The following NTN3 variants were observed in gnomAD, a reference collection of about 807,000 sequenced individuals.
NTN3 encodes netrin 3.
A neutral mutation model predicts 37.2 loss-of-function variants in NTN3; 44 were observed. That is an observed-to-expected ratio of 1.18 (90% CI 0.93 to 1.52). NTN3 has a LOEUF of 1.52. Among genes scored for constraint, NTN3 ranks in the 40% most tolerant of loss-of-function variants. The probability of loss-of-function intolerance (pLI) is 0.00; values close to 1 mark genes in which losing one functional copy is unlikely to be tolerated. For synonymous variants in NTN3, 385 were observed against 376.0 expected, an observed-to-expected ratio of 1.02 and a Z score of -0.28; for missense variants, 882 against 857.3, an observed-to-expected ratio of 1.03 and a Z score of -0.36.
rs1001517211 is a variant in NTN3 at position 2,474,087 on chromosome 16, G to A, written c.1725G>A (p.Gly575=). Reference sequence around the variant, plus strand: ...GGCTGCAGCGACGCGAACGGCGGGGGCGCTGCAGCGCCGCCTGAGCCCGCC... The same window carrying A: ...GGCTGCAGCGACGCGAACGGCGGGGACGCTGCAGCGCCGCCTGAGCCCGCC... The part of the protein sequence containing the change: ...LRRLQRRERR[G]RCSAA Residue 575 remains glycine (G), a synonymous_variant, in exon 6 of 6, where the codon GGG becomes GGA. Coordinates refer to ENST00000293973, the MANE Select transcript of NTN3 (RefSeq NM_006181.3). 20 of 1,207,402 alleles carry A rather than the reference G, an allele frequency of 1.7e-5. No individual in the cohort carries two copies. The African/African-American group carries it at 1.7e-4, about 10-fold the overall frequency. The allele number at this position is 1,207,402 out of a possible 1,614,324, so 74.8% of individuals were successfully genotyped here.
In NTN3 at chr16:2,472,648, G is replaced by GC. The variant is rs754378956; in HGVS notation, c.928+21dup. The GC allele has an allele frequency of 6.3e-6, 10 of 1,599,948 alleles. No homozygotes were observed. In the African/African-American group the frequency reaches 9.4e-5, roughly 15 times the overall value. ...TGCCTCGGTGAGGCCTTGGAGGGTG[G>GC]CCTGGGGACCTTGGACACAACCAGC... is the stretch of plus-strand genomic sequence containing the variant. On this transcript the variant is annotated intron_variant, in intron 1 of 5. Coordinates refer to ENST00000293973, the MANE Select transcript of NTN3 (RefSeq NM_006181.3).
At position 2,471,501 on chromosome 16, in the gene NTN3, G is replaced by A; in HGVS notation, c.-201G>A. ...TGTCATCGCTCTAGGCCCAGCGGGA[G>A]GACGCGCCAACATCCCCGCTGCTGT... On this transcript the variant is annotated 5_prime_UTR_variant, in exon 1 of 6. Coordinates refer to ENST00000293973, the MANE Select transcript of NTN3 (RefSeq NM_006181.3). 2.5e-6 allele frequency: 1 copy of A among 393,588 alleles called. No individual in the cohort carries two copies. Among genetic ancestry groups the A allele is most frequent in the Non-Finnish European group, 4.5e-6 (1 of 224,356 alleles). The allele number at this position is 393,588 out of a possible 1,614,324, so 24.4% of individuals were successfully genotyped here.
In NTN3 at chr16:2,473,138, A is replaced by T; in HGVS notation, c.1267+4A>T. The stretch of plus-strand genomic sequence containing the variant: ...TCCCCAGTGGCGCCCTGTGTTAGTG[A>T]GTGACCCTGCCCCGCCTCAGCCACC... On this transcript the variant is annotated splice_donor_region_variant and intron_variant, in intron 3 of 5. Coordinates refer to ENST00000293973, the MANE Select transcript of NTN3 (RefSeq NM_006181.3). 1 of 1,591,112 alleles carries T rather than the reference A, an allele frequency of 6.3e-7. No homozygotes were observed. Among genetic ancestry groups the T allele is most frequent in the Non-Finnish European group, 8.6e-7 (1 of 1,168,160 alleles).
chr16:2,472,277 C>T lies in NTN3; in HGVS notation c.576C>T (p.Ala192=), dbSNP rs376196923. Residue 192 remains alanine (A), a synonymous_variant, in exon 1 of 6, where the codon GCC becomes GCT. Transcript: ENST00000293973. The part of the protein sequence containing the change: ...LAQPDGSGLL[A]FSMQDSSPPG... ...AGCCTGATGGCAGCGGCCTTCTGGCCTTCAGCATGCAGGACAGCAGCCCCC... is the reference window on the plus strand; with the variant it reads ...AGCCTGATGGCAGCGGCCTTCTGGCTTTCAGCATGCAGGACAGCAGCCCCC... 1.4e-5 allele frequency: 23 copies of T among 1,607,344 alleles called. No homozygotes were observed. Among genetic ancestry groups the T allele is most frequent in the Non-Finnish European group, 2.0e-5 (23 of 1,176,660 alleles).
At chr16:2,473,687 C>T (rs2065537521) in intron 5 of NTN3, 69 bp from the exon 6 acceptor site, 2 of 1,358,976 alleles carry the variant, frequency 1.5e-6, no homozygotes, top group Admixed American at 2.8e-5. Flanking sequence ...CTGGTGTCCT[C>T]CCCGTGCCTC....
Position 2,471,684 on chromosome 16 carries a change from C to T in NTN3, c.-18C>T. 7.6e-7 allele frequency: 1 copy of T among 1,316,266 alleles called. No individual in the cohort carries two copies. The highest frequency in any genetic ancestry group is 9.6e-7 in the Non-Finnish European group (1 of 1,036,862). 81.5% of individuals were successfully genotyped at this position (1,316,266 alleles called of 1,614,324 possible). ...GTCTTGGGGCCCGGCCACTGGCTGA[C>T]CCGCAGCGGCTCCGGCCATGCCTGG... On this transcript the variant is annotated 5_prime_UTR_variant, in exon 1 of 6. Transcript: ENST00000293973.
rs1019406335 is a variant in NTN3, at chr16:2,472,759, G to T, written c.987G>T (p.Leu329=). 6.2e-7 allele frequency: 1 copy of T among 1,608,510 alleles called. No individual in the cohort carries two copies. ...GCTTCAACATGGAGCTGTACCGACT[G>T]TCCGGCCGCCGCAGCGGGGGTGTCT... is the stretch of plus-strand genomic sequence containing the variant. ...RCRFNMELYR[L]SGRRSGGVCL... The change falls in exon 2 of 6, where the codon CTG becomes CTT. Residue 329 remains leucine, a synonymous_variant. Coordinates refer to ENST00000293973, the MANE Select transcript of NTN3 (RefSeq NM_006181.3).
intron 5 of NTN3, 100 bp from the exon 6 acceptor site, chr16:2,473,656 C>T (rs969467690): frequency 7.9e-7 from 1 of 1,267,046 alleles, no homozygotes. Flanking sequence ...CGACCCCGCC[C>T]CTTCAGCCCC....
intron 4 of NTN3, 42 bp downstream of exon 4, chr16:2,473,360 G>C (rs777433451): frequency 6.2e-7 from 1 of 1,612,664 alleles, no homozygotes; most frequent in African/African-American, 1.3e-5. Context: ...GCATGACTTT[G>C]GGGGAGGGGG....
rs769706625 is a variant in NTN3 at position 2,473,756 on chromosome 16, C to T, written c.1394C>T (p.Ala465Val). Residue 465 changes from alanine to valine, a missense_variant and splice_region_variant, in exon 6 of 6, where the codon GCG (alanine) becomes GTG (valine). Transcript: ENST00000293973. ...SLKKFCKKDY[A>V]VQVAVGARGE... ...CCGCCCCCTCTCGCTCTCCCCGCAG[C>T]GGTGCAGGTGGCGGTGGGTGCGCGC... The T allele has an allele frequency of 2.8e-6, 4 of 1,419,566 alleles. No homozygotes were observed. The highest frequency in any genetic ancestry group is 3.6e-6 in the Non-Finnish European group (4 of 1,097,488). The allele number at this position is 1,419,566 out of a possible 1,614,324, so 87.9% of individuals were successfully genotyped here. A position where few individuals can be genotyped will look rare whatever the true frequency, so the allele number is the denominator to read the frequency against.
In NTN3 at chr16:2,472,555, G is replaced by T; in HGVS notation, c.854G>T (p.Cys285Phe). The T allele has an allele frequency of 6.2e-7, 1 of 1,605,016 alleles. No individual in the cohort carries two copies. The highest frequency in any genetic ancestry group is 8.5e-7 in the Non-Finnish European group (1 of 1,178,242). Residue 285 changes from cysteine to phenylalanine, a missense_variant, in exon 1 of 6, where the codon TGC (cysteine) becomes TTC (phenylalanine). Cys to Phe is a radical substitution (Grantham distance 205, BLOSUM62 -2). Coordinates refer to ENST00000293973, the MANE Select transcript of NTN3 (RefSeq NM_006181.3). ...DCRHGTEGPD[C>F]GRCKPFYCDR... is the part of the protein sequence containing the mutation. ...CGGCATGGCACCGAGGGCCCTGACT[G>T]CGGCCGCTGCAAGCCCTTCTACTGC...
Position 2,473,001 on chromosome 16 carries a change from G to T in NTN3, c.1134G>T (p.Pro378=), listed in dbSNP as rs113551249. The change falls in exon 3 of 6, where the codon CCG becomes CCT. Residue 378 remains proline, a synonymous_variant. Transcript: ENST00000293973. ...RRACRACDCH[P]VGAAGKTCNQ... is the part of the protein sequence containing the mutation. ...TGTCCTCAGCCTGCGACTGTCACCC[G>T]GTTGGTGCTGCTGGCAAGACCTGCA... The T allele has an allele frequency of 3.4e-3, 5,451 of 1,604,532 alleles. 165 individuals carry two copies. In the African/African-American group the frequency reaches 0.063, roughly 18 times the overall value.
rs2065521538 is a variant in NTN3, at chr16:2,471,710, C to A, written c.9C>A (p.Gly3=). 2 of 1,346,602 alleles carry A rather than the reference C, an allele frequency of 1.5e-6. No individual in the cohort carries two copies. Among genetic ancestry groups the A allele is most frequent in the East Asian group, 3.1e-5 (1 of 32,154 alleles). The allele number at this position is 1,346,602 out of a possible 1,614,324, so 83.4% of individuals were successfully genotyped here. A position where few individuals can be genotyped will look rare whatever the true frequency, so the allele number is the denominator to read the frequency against. The part of the protein sequence containing the change: MP[G]WPWGLLLTAG... Reference sequence around the variant, plus strand: ...CCGCAGCGGCTCCGGCCATGCCTGGCTGGCCCTGGGGGCTGCTGCTGACGG... The same window carrying A: ...CCGCAGCGGCTCCGGCCATGCCTGGATGGCCCTGGGGGCTGCTGCTGACGG... Residue 3 remains glycine (G), a synonymous_variant, in exon 1 of 6, where the codon GGC becomes GGA. Transcript: ENST00000293973.
rs1450164915 is a variant in NTN3, at chr16:2,471,463, CG to C, written c.-234del. 1.1e-5 allele frequency: 4 copies of C among 360,244 alleles called. No homozygotes were observed. Among genetic ancestry groups the C allele is most frequent in the Non-Finnish European group, 2.0e-5 (4 of 201,834 alleles). 22.3% of individuals were successfully genotyped at this position (360,244 alleles called of 1,614,324 possible). A position where few individuals can be genotyped will look rare whatever the true frequency, so the allele number is the denominator to read the frequency against. On this transcript the variant is annotated 5_prime_UTR_variant, in exon 1 of 6. Coordinates refer to ENST00000293973, the MANE Select transcript of NTN3 (RefSeq NM_006181.3). ...CCTCCGCGGGCGGAGGCACCGGGAGCGGGGGCGACGCCTGTCATCGCTCTAG... is the reference window on the plus strand; with the variant it reads ...CCTCCGCGGGCGGAGGCACCGGGAGCGGGGCGACGCCTGTCATCGCTCTAG...
At position 2,474,126 on chromosome 16, in the gene NTN3, G is replaced by A. The variant is rs2065542542; in HGVS notation, c.*21G>A. 2 of 1,201,464 alleles carry A rather than the reference G, an allele frequency of 1.7e-6. No individual in the cohort carries two copies. Among genetic ancestry groups the A allele is most frequent in the South Asian group, 8.3e-5 (2 of 24,098 alleles). The allele number at this position is 1,201,464 out of a possible 1,614,324, so 74.4% of individuals were successfully genotyped here. ...CCTGAGCCCGCCGGCTGGGCAGGGCGGCCGCTGCTCCCACATCTAGGCGCA... is the reference window on the plus strand; with the variant it reads ...CCTGAGCCCGCCGGCTGGGCAGGGCAGCCGCTGCTCCCACATCTAGGCGCA... On this transcript the variant is annotated 3_prime_UTR_variant, in exon 6 of 6. Coordinates refer to ENST00000293973, the MANE Select transcript of NTN3 (RefSeq NM_006181.3).
rs562158413 is a variant in NTN3, at chr16:2,472,388, G to A, written c.687G>A (p.Thr229=). 11 of 1,612,760 alleles carry A rather than the reference G, an allele frequency of 6.8e-6. No homozygotes were observed. In the East Asian group the frequency reaches 8.9e-5, roughly 13 times the overall value. The change falls in exon 1 of 6, where the codon ACG becomes ACA. Residue 229 remains threonine (T), a synonymous_variant. Transcript: ENST00000293973. ...GTGTAGTGCTCACAAGGCCTAGCAC[G>A]GCAGGTGACCCCAGGGACATGGAGG... The part of the protein sequence containing the change: ...DVRVVLTRPS[T]AGDPRDMEAV...
chr16:2,472,331 G>A lies in NTN3; in HGVS notation c.630G>A (p.Val210=). Residue 210 remains valine, a synonymous_variant, in exon 1 of 6, where the codon GTG becomes GTA. Coordinates refer to ENST00000293973, the MANE Select transcript of NTN3 (RefSeq NM_006181.3). ...PPGLDLDSSP[V]LQDWVTATDV... ...GCCTGGACCTGGACAGCAGCCCAGT[G>A]CTCCAAGACTGGGTGACCGCCACCG... 6.2e-7 allele frequency: 1 copy of A among 1,611,178 alleles called. No individual in the cohort carries two copies. The highest frequency in any genetic ancestry group is 8.5e-7 in the Non-Finnish European group (1 of 1,178,826).
In NTN3 at chr16:2,472,461, C is replaced by T. The variant is rs758811567; in HGVS notation, c.760C>T (p.Arg254Cys). ...YAATDLQVGGRCKCNGHASRC... is the reference protein window; with the variant it reads ...YAATDLQVGGCCKCNGHASRC... ...AGCCACCGACCTCCAGGTGGGCGGG[C>T]GCTGCAAGTGCAATGGACATGCCTC... The change falls in exon 1 of 6, where the codon CGC (arginine) becomes TGC (cysteine). Residue 254 changes from arginine (R) to cysteine (C), a missense_variant. Transcript: ENST00000293973. The T allele has an allele frequency of 1.3e-5, 21 of 1,596,428 alleles. No individual in the cohort carries two copies. Among genetic ancestry groups the T allele is most frequent in the East Asian group, 2.2e-5 (1 of 44,870 alleles).
Position 2,473,253 on chromosome 16 carries a change from C to T in NTN3, c.1268-15C>T, listed in dbSNP as rs575975550. Reference sequence around the variant, plus strand: ...TGCCCCTCCATCGCAGGCCATTCTCCCTCCCTCTCTGCAGAGACCCCTATC... The same window carrying T: ...TGCCCCTCCATCGCAGGCCATTCTCTCTCCCTCTCTGCAGAGACCCCTATC... On this transcript the variant is annotated splice_polypyrimidine_tract_variant and intron_variant, in intron 3 of 5. Transcript: ENST00000293973. 6.2e-7 allele frequency: 1 copy of T among 1,612,332 alleles called. No individual in the cohort carries two copies. Among genetic ancestry groups the T allele is most frequent in the African/African-American group, 1.3e-5 (1 of 75,036 alleles).
Sources: gnomAD v4.1 joint callset for allele counts on GRCh38, gnomAD v4.1.1 for gene constraint, MANE v1.5 for transcripts, NCBI Gene and HGNC (gene_info 2026-07-23, HGNC 2026-07-21) for gene names.